The following SENP6 variants were observed in gnomAD, a reference collection of about 807,000 sequenced individuals.
SENP6 encodes sentrin-specific protease 6.
Under a neutral mutation model 134.5 loss-of-function variants are expected in SENP6, and 41 were observed. The ratio of observed to expected loss-of-function variants is 0.30; its 90% CI spans 0.24 to 0.40. SENP6 has a LOEUF of 0.40. Among genes scored for constraint, SENP6 ranks in the 10% least tolerant of loss-of-function variants. The pLI, the probability that SENP6 is intolerant of heterozygous loss-of-function variation, is 1.00. For missense variants in SENP6, 1,248 were observed against 1,312.5 expected, an observed-to-expected ratio of 0.95 and a Z score of 0.76; for synonymous variants, 395 against 429.8, an observed-to-expected ratio of 0.92 and a Z score of 1.00.
intron 11 of SENP6, 25 bp from the exon 12 acceptor site, chr6:75,675,409 CA>C: frequency 7.7e-7 from 1 of 1,296,154 alleles, no homozygotes; most frequent in Non-Finnish European, 1.1e-6. Context: ...AAGTCTAGAG[CA>C]ATACTAATTC....
chr6:75,700,623 T>C (rs748833455), intron 18 of SENP6, among the ~76,000 whole-genome samples: 21 of 152,148 alleles, frequency 1.4e-4, no homozygotes, highest in Non-Finnish European at 2.6e-4. Flanking sequence ...CCCCAGTAGC[T>C]TGGACCACAG....
At chr6:75,705,493 G>A (rs1024286057) in intron 19 of SENP6, among the ~76,000 whole-genome samples, 4 of 152,054 alleles carry the variant, frequency 2.6e-5, no homozygotes, top group South Asian at 4.1e-4. Context: ...GCAGTGAGCT[G>A]GGATCGCGCA....
At chr6:75,670,074 T>A (rs1175039972) in intron 10 of SENP6, among the ~76,000 whole-genome samples, 1 of 152,026 alleles carries the variant, frequency 6.6e-6, no homozygotes, top group African/African-American at 2.4e-5. Flanking sequence ...GCCTCCTGAG[T>A]AGCCGGGATT....
At chr6:75,707,355 CTTTTTTTT>C (rs10564996) in intron 19 of SENP6, among the ~76,000 whole-genome samples, 7 of 74,694 alleles carry the variant, frequency 9.4e-5, no homozygotes, top group South Asian at 5.4e-4. Context: ...TCTTCTTCTT[CTTTTTTTT>C]TTTTTTTTTT....
chr6:75,689,422 CA>C (rs557591208), intron 16 of SENP6, among the ~76,000 whole-genome samples: 5 of 149,828 alleles, frequency 3.3e-5, no homozygotes, highest in South Asian at 2.1e-4. Context: ...AAAACAAAAA[CA>C]AAAAAAAACA....
intron 1 of SENP6, among the ~76,000 whole-genome samples, chr6:75,608,242 C>T (rs1263371935): frequency 6.6e-6 from 1 of 152,082 alleles, no homozygotes; most frequent in Non-Finnish European, 1.5e-5. Flanking sequence ...AGGAGGATTG[C>T]TTGAGCCCAG....
At chr6:75,680,891 G>A (rs1427042010) in intron 16 of SENP6, among the ~76,000 whole-genome samples, 1 of 152,152 alleles carries the variant, frequency 6.6e-6, no homozygotes, top group Non-Finnish European at 1.5e-5. Context: ...GGTGCTAGAG[G>A]AAGTCTGCTA....
chr6:75,621,122 G>A (rs1040533304), intron 1 of SENP6, among the ~76,000 whole-genome samples: 1 of 152,174 alleles, frequency 6.6e-6, no homozygotes, highest in Admixed American at 6.5e-5. Flanking sequence ...TAAAAGGCAG[G>A]TATCGTTGAG....
At chr6:75,631,105 C>T (rs540272805) in intron 3 of SENP6, among the ~76,000 whole-genome samples, 5 of 151,454 alleles carry the variant, frequency 3.3e-5, no homozygotes, top group Middle Eastern at 3.4e-3. Flanking sequence ...GTTGTATTTT[C>T]GATAGTGTGT....
intron 10 of SENP6, among the ~76,000 whole-genome samples, chr6:75,670,167 G>A (rs947176420): frequency 2.0e-5 from 3 of 152,038 alleles, no homozygotes; most frequent in East Asian, 3.9e-4. Context: ...GGCTAGTCTC[G>A]AACTCCTGAC....
chr6:75,602,308 G>T lies in SENP6; in HGVS notation c.-217G>T. The stretch of plus-strand genomic sequence containing the variant: ...GAGAGGCCTGAGAAGCTCGGGCCGC[G>T]GGCCTCGCTGCCCGCCAGCCCGCGG... On this transcript the variant is annotated 5_prime_UTR_variant, in exon 1 of 24. Coordinates refer to ENST00000447266, the MANE Select transcript of SENP6 (RefSeq NM_015571.4). 1.7e-5 allele frequency: 8 copies of T among 459,902 alleles called. No individual in the cohort carries two copies. In the South Asian group the frequency reaches 2.9e-4, roughly 17 times the overall value. The allele number at this position is 459,902 out of a possible 1,614,324, so 28.5% of individuals were successfully genotyped here. A position where few individuals can be genotyped will look rare whatever the true frequency, so the allele number is the denominator to read the frequency against.
chr6:75,679,707 T>C (rs1773333220), intron 16 of SENP6: 1 of 152,216 alleles, frequency 6.6e-6, no homozygotes, highest in East Asian at 1.9e-4. Flanking sequence ...GCAATGTGTT[T>C]ATACATTTAT....
At chr6:75,688,478 G>A (rs962281542) in intron 16 of SENP6, among the ~76,000 whole-genome samples, 1 of 152,162 alleles carries the variant, frequency 6.6e-6, no homozygotes, top group African/African-American at 2.4e-5. Flanking sequence ...TTCTGCATCG[G>A]TCATGCTGAG....
Position 75,702,218 on chromosome 6 carries a change from C to CTT in SENP6, c.2289-413_2289-412dup, listed in dbSNP as rs200531593. The stretch of plus-strand genomic sequence containing the variant: ...ATTTGAGAACTAAAAAAAAAATAGG[C>CTT]TTTTTTTTTTTTTTTGAGATGGAGT... On this transcript the variant is annotated intron_variant, in intron 18 of 23. Coordinates refer to ENST00000447266, the MANE Select transcript of SENP6 (RefSeq NM_015571.4). 1.7e-3 allele frequency among the ~76,000 whole-genome samples: 221 copies of CTT among 133,398 alleles called. 2 individuals are homozygous for CTT. The highest frequency in any genetic ancestry group is 5.0e-3 in the African/African-American group (179 of 35,636). 87.5% of individuals were successfully genotyped at this position (133,398 alleles called of 152,430 possible). A position where few individuals can be genotyped will look rare whatever the true frequency, so the allele number is the denominator to read the frequency against.
intron 23 of SENP6, 126 bp from the exon 24 acceptor site, chr6:75,715,259 A>G (rs1340491998): frequency 2.9e-6 from 2 of 698,506 alleles, no homozygotes; most frequent in African/African-American, 1.8e-5. Context: ...CATGTGATAG[A>G]TAATACAGAA....
At chr6:75,627,683 T>C (rs530644839) in intron 3 of SENP6, among the ~76,000 whole-genome samples, 78 of 152,266 alleles carry the variant, frequency 5.1e-4, no homozygotes, top group Admixed American at 1.5e-3. Context: ...AGCTTTCAGA[T>C]TGCTTTTTTT....
intron 1 of SENP6, among the ~76,000 whole-genome samples, chr6:75,618,818 C>T (rs1768044617): frequency 6.6e-6 from 1 of 152,144 alleles, no homozygotes; most frequent in African/African-American, 2.4e-5. Flanking sequence ...AACCTTGTTT[C>T]CATCATCTAC....
At chr6:75,701,702 C>G (rs1221370356) in intron 18 of SENP6, among the ~76,000 whole-genome samples, 2 of 129,694 alleles carry the variant, frequency 1.5e-5, no homozygotes, top group Non-Finnish European at 3.1e-5. Context: ...TGCAGTGGCA[C>G]AATCTCAGCT....
At chr6:75,643,670 C>G (rs549227766) in intron 6 of SENP6, among the ~76,000 whole-genome samples, 14 of 152,174 alleles carry the variant, frequency 9.2e-5, no homozygotes, top group African/African-American at 3.1e-4. Context: ...TGCAGTAAGC[C>G]AAGATAGTGC....
Sources: gnomAD v4.1 joint callset for allele counts (sites outside exome capture counted in the v4.1 genomes callset) on GRCh38, gnomAD v4.1.1 for gene constraint, MANE v1.5 for transcripts, NCBI Gene and HGNC (gene_info 2026-07-23, HGNC 2026-07-21) for gene names.